Variants in LOC728392 observed in about 807,000 individuals in gnomAD.
At chr17:5,500,872 G>A in the LOC728392 span, 13 of 1,247,102 alleles carry the variant, frequency 1.0e-5, no homozygotes, top group East Asian at 1.2e-3. This position sits in a 1 kb window ranked among gnomAD's most constrained non-coding sequence, Gnocchi z 5.4. Context: ...TCCGGGGGAG[G>A]CTTGTCAAAC....
At chr17:5,500,659 C>A in the LOC728392 span, 1 of 1,273,528 alleles carries the variant, frequency 7.9e-7, no homozygotes, top group Non-Finnish European at 1.0e-6. This position sits in a 1 kb window ranked among gnomAD's most constrained non-coding sequence, Gnocchi z 5.4. Flanking sequence ...GCGATGGCTG[C>A]GTAGATGAAG....
chr17:5,500,412 TG>T, the LOC728392 span: 1 of 1,104,000 alleles, frequency 9.1e-7, no homozygotes, highest in Non-Finnish European at 1.1e-6. The surrounding 1 kb of genome is among the most constrained non-coding windows in gnomAD (Gnocchi z 5.4). Flanking sequence ...CCTATTTCAT[TG>T]CCGGCAGCTA....
the LOC728392 span, chr17:5,500,288 C>G: frequency 8.0e-6 from 8 of 999,448 alleles, no homozygotes; most frequent in South Asian, 2.0e-4. This position sits in a 1 kb window ranked among gnomAD's most constrained non-coding sequence, Gnocchi z 5.4. Flanking sequence ...CCTGCGCGTG[C>G]CCCCACGTCA....
At chr17:5,500,598 C>G in the LOC728392 span, 1 of 1,249,000 alleles carries the variant, frequency 8.0e-7, no homozygotes. The surrounding 1 kb of genome is among the most constrained non-coding windows in gnomAD (Gnocchi z 5.4). Flanking sequence ...GCTGGCCACT[C>G]AGGCAAGCTG....
At chr17:5,499,489 T>C in the LOC728392 span, 1 of 152,252 alleles carries the variant, frequency 6.6e-6, no homozygotes, top group Admixed American at 6.5e-5. Flanking sequence ...ATTACAGACA[T>C]TTGCAAGTAA....
the LOC728392 span, chr17:5,500,581 G>A: frequency 2.4e-6 from 3 of 1,243,222 alleles, no homozygotes; most frequent in Middle Eastern, 2.3e-4. This position sits in a 1 kb window ranked among gnomAD's most constrained non-coding sequence, Gnocchi z 5.4. Context: ...CGCCCACCCC[G>A]TCCCGCGCTG....
chr17:5,500,485 CG>C, the LOC728392 span: 1 of 1,154,414 alleles, frequency 8.7e-7, no homozygotes, highest in Non-Finnish European at 1.1e-6. This position sits in a 1 kb window ranked among gnomAD's most constrained non-coding sequence, Gnocchi z 5.4. Flanking sequence ...AAACAAGCAT[CG>C]AAAGCTACAT....
the LOC728392 span, chr17:5,500,746 A>T: frequency 4.9e-6 from 6 of 1,236,244 alleles, no homozygotes; most frequent in Admixed American, 6.5e-5. This position sits in a 1 kb window ranked among gnomAD's most constrained non-coding sequence, Gnocchi z 5.4. Flanking sequence ...GGGGGGCGCG[A>T]TGCGGCCTTC....
the LOC728392 span, chr17:5,500,648 G>A: frequency 3.1e-6 from 4 of 1,275,770 alleles, no homozygotes; most frequent in Non-Finnish European, 4.1e-6. The surrounding 1 kb of genome is among the most constrained non-coding windows in gnomAD (Gnocchi z 5.4). Context: ...TGATGGAGAA[G>A]GCGATGGCTG....
the LOC728392 span, chr17:5,500,725 CCTT>C: frequency 5.1e-4 from 632 of 1,242,576 alleles, 1 homozygote; most frequent in African/African-American, 7.7e-3. The surrounding 1 kb of genome is among the most constrained non-coding windows in gnomAD (Gnocchi z 5.4). Flanking sequence ...GGAGGCGCCT[CCTT>C]CTTGGGCGGG....
the LOC728392 span, chr17:5,499,771 G>A: frequency 1.0e-6 from 1 of 985,716 alleles, no homozygotes; most frequent in African/African-American, 1.7e-5. Context: ...GCCCTCCCGT[G>A]GACCCCGGCT....
At chr17:5,499,983 C>T in the LOC728392 span, 2 of 986,076 alleles carry the variant, frequency 2.0e-6, no homozygotes, top group Non-Finnish European at 2.4e-6. Context: ...TCGTGGTCAG[C>T]CGGAGCCCCT....
At chr17:5,500,536 G>A in the LOC728392 span, 2 of 1,201,668 alleles carry the variant, frequency 1.7e-6, no homozygotes, top group South Asian at 1.6e-5. This position sits in a 1 kb window ranked among gnomAD's most constrained non-coding sequence, Gnocchi z 5.4. Flanking sequence ...AAAATGCCGA[G>A]CCCCGTTTTC....
the LOC728392 span, chr17:5,500,531 G>A: frequency 4.2e-6 from 5 of 1,201,400 alleles, no homozygotes; most frequent in South Asian, 8.0e-5. The surrounding 1 kb of genome is among the most constrained non-coding windows in gnomAD (Gnocchi z 5.4). Context: ...AACACAAAAT[G>A]CCGAGCCCCG....
the LOC728392 span, chr17:5,500,401 C>T: frequency 9.1e-7 from 1 of 1,102,476 alleles, no homozygotes; most frequent in South Asian, 2.2e-5. This position sits in a 1 kb window ranked among gnomAD's most constrained non-coding sequence, Gnocchi z 5.4. Context: ...CAAACAGCAC[C>T]CCTATTTCAT....
the LOC728392 span, chr17:5,500,664 A>G: frequency 3.9e-6 from 5 of 1,274,258 alleles, no homozygotes; most frequent in African/African-American, 7.9e-5. This position sits in a 1 kb window ranked among gnomAD's most constrained non-coding sequence, Gnocchi z 5.4. Context: ...GGCTGCGTAG[A>G]TGAAGATGGA....
chr17:5,500,950 C>T, the LOC728392 span: 144,337 of 1,247,614 alleles, frequency 0.12, 9,042 homozygotes, highest in African/African-American at 0.17. This position sits in a 1 kb window ranked among gnomAD's most constrained non-coding sequence, Gnocchi z 5.4. Flanking sequence ...AAGAGCCCGT[C>T]AGCCATGGGC....
At chr17:5,500,222 T>C in the LOC728392 span, 2 of 991,074 alleles carry the variant, frequency 2.0e-6, no homozygotes, top group South Asian at 9.0e-5. The surrounding 1 kb of genome is among the most constrained non-coding windows in gnomAD (Gnocchi z 5.4). Context: ...GCTCATCCCT[T>C]AAAGATTCCA....
chr17:5,500,114 TG>T, the LOC728392 span: 1 of 986,488 alleles, frequency 1.0e-6, no homozygotes, highest in Non-Finnish European at 1.2e-6. The surrounding 1 kb of genome is among the most constrained non-coding windows in gnomAD (Gnocchi z 5.4). Context: ...TGGCTCCTCC[TG>T]GGGGCGATGC....
Sources: allele counts gnomAD v4.1 joint callset, GRCh38; gene constraint gnomAD v4.1.1; non-coding constraint Gnocchi (gnomAD v3.1); transcripts MANE v1.5.